Variants in RFX6 observed in about 807,000 individuals in gnomAD.
The protein encoded by RFX6 is DNA-binding protein RFX6.
RFX6 carries 50 observed loss-of-function variants against 110.8 expected under a neutral mutation model. The observed-to-expected ratio is 0.45, with a 90% CI of 0.36 to 0.57. RFX6 has a LOEUF of 0.57. RFX6 is among the 20% of genes least tolerant of loss of function. RFX6 has a pLI of 0.00. For missense variants in RFX6, 990 were observed against 1,127.0 expected (o/e 0.88, Z 1.74); for synonymous variants, 383 against 411.2 (o/e 0.93, Z 0.83).
At chr6:116,913,821 T>G (rs1036078076) in intron 7 of RFX6, among the ~76,000 whole-genome samples, 5 of 152,208 alleles carry the variant, frequency 3.3e-5, no homozygotes, top group Admixed American at 3.3e-4. Flanking sequence ...ATGGAATAGA[T>G]GTACATATTT....
intron 12 of RFX6, 24 bp from the exon 13 acceptor site, chr6:116,922,018 C>CTTTTTTTTTTTTTTTTT: frequency 2.3e-6 from 2 of 883,484 alleles, no homozygotes; most frequent in African/African-American, 1.8e-5. Context: ...TCTTTTCTTT[C>CTTTTTTTTTTTTTTTTT]TTTTTTTTTT....
rs760976342 is a variant in RFX6 at position 116,925,516 on chromosome 6, G to T, written c.1742G>T (p.Gly581Val). The T allele has an allele frequency of 3.7e-5, 60 of 1,614,150 alleles. No individual in the cohort carries two copies. Among genetic ancestry groups the T allele is most frequent in the Non-Finnish European group, 4.8e-5 (57 of 1,179,988 alleles). Residue 581 changes from glycine to valine, a missense_variant, in exon 16 of 19, where the codon GGG (glycine) becomes GTG (valine). By Grantham distance (109) the Gly-to-Val change is moderately radical (BLOSUM62 -3). Transcript: ENST00000332958. Reference protein sequence around the residue: ...SSCFLANRNKGSMVSSDAVKN... With the variant: ...SSCFLANRNKVSMVSSDAVKN... The stretch of plus-strand genomic sequence containing the variant: ...TGCTTTCTGGCCAACCGTAATAAAG[G>T]GAGCATGGTTTCCAGCGACGCTGTG...
At position 116,895,673 on chromosome 6, in the gene RFX6, C is replaced by G. The variant is rs1194637950; in HGVS notation, c.672+466C>G. Among the ~76,000 whole-genome samples the G allele has an allele frequency of 8.6e-5, 13 of 151,928 alleles. No individual in the cohort carries two copies. In the East Asian group the frequency reaches 2.5e-3, roughly 29 times the overall value. ...ACACACACACACACACACACACACACACACGTATACAATCTTTCTCCCTAG... is the reference window on the plus strand; with the variant it reads ...ACACACACACACACACACACACACAGACACGTATACAATCTTTCTCCCTAG... On this transcript the variant is annotated intron_variant, in intron 6 of 18. Coordinates refer to ENST00000332958, the MANE Select transcript of RFX6 (RefSeq NM_173560.4).
At position 116,907,644 on chromosome 6, in the gene RFX6, C is replaced by T. The variant is rs150967805; in HGVS notation, c.673-3291C>T. ...CACTGAGACTTAGTTTGTGGCCTAA[C>T]ATATGGTCTATCCTGGAAGATGTCC... On this transcript the variant is annotated intron_variant, in intron 6 of 18. Coordinates refer to ENST00000332958, the MANE Select transcript of RFX6 (RefSeq NM_173560.4). Among the ~76,000 whole-genome samples the T allele has an allele frequency of 3.0e-3, 461 of 152,202 alleles. 1 individual carries two copies. The highest frequency in any genetic ancestry group is 7.2e-3 in the African/African-American group (298 of 41,568).
At chr6:116,913,471 A>G (rs1226786905) in intron 7 of RFX6, among the ~76,000 whole-genome samples, 3 of 152,172 alleles carry the variant, frequency 2.0e-5, no homozygotes, top group African/African-American at 7.2e-5. Flanking sequence ...CTCTCGAGGC[A>G]GTTGTCTCCC....
At chr6:116,919,826 A>G (rs1037360403) in intron 11 of RFX6, among the ~76,000 whole-genome samples, 1 of 152,196 alleles carries the variant, frequency 6.6e-6, no homozygotes, top group Non-Finnish European at 1.5e-5. Context: ...ATGCATTTGT[A>G]TATTGTTAAA....
At position 116,894,080 on chromosome 6, in the gene RFX6, C is replaced by T; in HGVS notation, c.644+16C>T. 7.5e-7 allele frequency: 1 copy of T among 1,338,780 alleles called. No homozygotes were observed. The highest frequency in any genetic ancestry group is 2.3e-5 in the East Asian group (1 of 43,610). The allele number at this position is 1,338,780 out of a possible 1,614,324, so 82.9% of individuals were successfully genotyped here. A position where few individuals can be genotyped will look rare whatever the true frequency, so the allele number is the denominator to read the frequency against. On this transcript the variant is annotated intron_variant, in intron 5 of 18. Transcript: ENST00000332958. ...GCTTGACAAGGTAGAGTTACACCAT[C>T]TTCAAGACAAATTCTCTGTGTTTCT...
chr6:116,919,304 G>T lies in RFX6; in HGVS notation c.1182+8G>T, dbSNP rs1374430647. The T allele has an allele frequency of 6.2e-7, 1 of 1,612,152 alleles. No individual in the cohort carries two copies. The highest frequency in any genetic ancestry group is 2.2e-5 in the East Asian group (1 of 44,816). ...TTCTTACATCTTGCCCAGGTATGTT[G>T]GTTGCTAAGTCGAGAGCATTTGAGT... On this transcript the variant is annotated splice_region_variant and intron_variant, in intron 11 of 18. Coordinates refer to ENST00000332958, the MANE Select transcript of RFX6 (RefSeq NM_173560.4).
At chr6:116,881,153 G>A (rs1774581690) in intron 3 of RFX6, among the ~76,000 whole-genome samples, 2 of 152,022 alleles carry the variant, frequency 1.3e-5, no homozygotes, top group African/African-American at 2.4e-5. Context: ...GGATGGGTTA[G>A]AATTCTCTCA....
chr6:116,923,233 C>T lies in RFX6; in HGVS notation c.1555+9C>T, dbSNP rs777246291. The T allele has an allele frequency of 2.0e-5, 24 of 1,220,704 alleles. No individual in the cohort carries two copies. Among genetic ancestry groups the T allele is most frequent in the Admixed American group, 1.0e-4 (6 of 59,540 alleles). The allele number at this position is 1,220,704 out of a possible 1,614,324, so 75.6% of individuals were successfully genotyped here. The stretch of plus-strand genomic sequence containing the variant: ...CAATGCATCCAGTTTTGGTAACATA[C>T]GTGCATTATAAAACTGTTCTTACAT... On this transcript the variant is annotated intron_variant, in intron 14 of 18. Coordinates refer to ENST00000332958, the MANE Select transcript of RFX6 (RefSeq NM_173560.4).
At chr6:116,902,252 T>G (rs1775090962) in intron 6 of RFX6, among the ~76,000 whole-genome samples, 1 of 152,090 alleles carries the variant, frequency 6.6e-6, no homozygotes, top group Non-Finnish European at 1.5e-5. Context: ...TAGGCAAGGC[T>G]GCTTTAGTAT....
At chr6:116,926,722 G>A (rs894818208) in intron 16 of RFX6, among the ~76,000 whole-genome samples, 25 of 151,982 alleles carry the variant, frequency 1.6e-4, no homozygotes, top group African/African-American at 6.0e-4. Flanking sequence ...TTTAATTATG[G>A]GGAAATATGA....
chr6:116,911,233 A>G (rs191757798), intron 7 of RFX6, among the ~76,000 whole-genome samples, 191 bp downstream of exon 7: 11 of 152,330 alleles, frequency 7.2e-5, no homozygotes, highest in African/African-American at 2.6e-4. Flanking sequence ...TACCATCTCC[A>G]TGATAGTGTG....
chr6:116,914,690 T>G (rs1272880648), intron 7 of RFX6, among the ~76,000 whole-genome samples: 1 of 152,126 alleles, frequency 6.6e-6, no homozygotes, highest in Non-Finnish European at 1.5e-5. Flanking sequence ...ACCACAAAGA[T>G]ATGTGTATTG....
chr6:116,878,145 G>A (rs1774506483), intron 2 of RFX6, among the ~76,000 whole-genome samples, 193 bp downstream of exon 2: 1 of 152,150 alleles, frequency 6.6e-6, no homozygotes, highest in African/African-American at 2.4e-5. Flanking sequence ...ACTGGTGAAG[G>A]ATTTGCAATA....
At chr6:116,877,984 C>A (rs768139400) in intron 2 of RFX6, 32 bp downstream of exon 2, 146 of 1,606,076 alleles carry the variant, frequency 9.1e-5, no homozygotes, top group Non-Finnish European at 1.2e-4. Flanking sequence ...CACTGAAGCA[C>A]CTGTTGACGT....
At chr6:116,911,195 CATTG>C (rs1437273532) in intron 7 of RFX6, among the ~76,000 whole-genome samples, 153 bp downstream of exon 7, 6 of 152,148 alleles carry the variant, frequency 3.9e-5, no homozygotes, top group African/African-American at 1.4e-4. Flanking sequence ...CTTTTGTTAA[CATTG>C]ATTAACACTT....
intron 6 of RFX6, among the ~76,000 whole-genome samples, chr6:116,897,557 G>C (rs1319548568): frequency 6.6e-6 from 1 of 152,130 alleles, no homozygotes; most frequent in Non-Finnish European, 1.5e-5. Flanking sequence ...TAAGAATTCT[G>C]TAATGGGAAG....
intron 16 of RFX6, 87 bp from the exon 17 acceptor site, chr6:116,926,940 T>A: frequency 8.0e-7 from 1 of 1,246,254 alleles, no homozygotes; most frequent in Non-Finnish European, 1.2e-6. Flanking sequence ...AAACAATACA[T>A]TAATAAATCT....
Sources: allele counts gnomAD v4.1 joint callset (sites outside exome capture counted in the v4.1 genomes callset), GRCh38; gene constraint gnomAD v4.1.1; transcripts MANE v1.5; gene names NCBI Gene and HGNC (gene_info 2026-07-23, HGNC 2026-07-21).